Variants in C12orf50 observed in about 807,000 individuals in gnomAD.
C12orf50 encodes zinc finger CCCH-type containing 11D, also known as uncharacterized protein C12orf50.
C12orf50 carries 35 observed loss-of-function variants against 61.6 expected under a neutral mutation model. That is an observed-to-expected ratio of 0.57 (90% CI 0.43 to 0.75). The LOEUF (loss-of-function observed/expected upper bound fraction) is 0.75. C12orf50 is among the 30% of genes least tolerant of loss of function. The pLI is 0.00. For synonymous variants in C12orf50, 178 were observed against 161.5 expected (o/e 1.10, Z -0.77); for missense variants, 475 against 488.5 (o/e 0.97, Z 0.26).
intron 7 of C12orf50, 47 bp downstream of exon 7, chr12:87,994,586 A>G: frequency 7.9e-7 from 1 of 1,272,502 alleles, no homozygotes; most frequent in Non-Finnish European, 1.1e-6. Context: ...AGACTCATTT[A>G]TTATGTGGTG....
chr12:87,982,892 AAC>A lies in C12orf50; in HGVS notation c.1219+209_1219+210del. 2.0e-5 allele frequency among the ~76,000 whole-genome samples: 3 copies of A among 152,320 alleles called. No homozygotes were observed. In the South Asian group the frequency reaches 6.2e-4, roughly 32 times the overall value. Reference sequence around the variant, plus strand: ...GAACTGTATAAAAACGTTTTTGGGTAACACATAAAAATAGGCAAAGAGGAACA... The same window carrying A: ...GAACTGTATAAAAACGTTTTTGGGTAACATAAAAATAGGCAAAGAGGAACA... On this transcript the variant is annotated intron_variant, in intron 12 of 12. Coordinates refer to ENST00000298699, the MANE Select transcript of C12orf50 (RefSeq NM_152589.3).
At chr12:87,997,461 G>A (rs573973700) in intron 4 of C12orf50, among the ~76,000 whole-genome samples, 34 of 152,024 alleles carry the variant, frequency 2.2e-4, no homozygotes, top group Non-Finnish European at 1.0e-4. Flanking sequence ...TGTACAGAAC[G>A]TGCAGGTTTG....
intron 3 of C12orf50, among the ~76,000 whole-genome samples, chr12:88,012,365 C>A (rs937756624): frequency 1.3e-5 from 2 of 152,134 alleles, no homozygotes; most frequent in Non-Finnish European, 2.9e-5. Flanking sequence ...ACATGCAGTA[C>A]AAAACACATA....
At chr12:87,994,549 G>T (rs551267381) in intron 7 of C12orf50, 84 bp downstream of exon 7, 2 of 1,068,412 alleles carry the variant, frequency 1.9e-6, no homozygotes, top group Admixed American at 2.1e-5. Flanking sequence ...GACAAAAAAA[G>T]AAAATTAGTT....
chr12:88,003,782 G>T (rs1243779414), intron 3 of C12orf50, among the ~76,000 whole-genome samples: 1 of 152,004 alleles, frequency 6.6e-6, no homozygotes, highest in African/African-American at 2.4e-5. Flanking sequence ...GTGTCTGGCT[G>T]CAGGTATATT....
In C12orf50 at chr12:88,026,579, T is replaced by C; in HGVS notation, c.42A>G (p.Glu14=). Reference sequence around the variant, plus strand: ...TCTTCACACAACCAAGAGGCTGAGTTTCCCAGAAGCATGAAATGCTGCAGT... The same window carrying C: ...TCTTCACACAACCAAGAGGCTGAGTCTCCCAGAAGCATGAAATGCTGCAGT... ...QQNCSISCFW[E]TQPLGCVKIS... Residue 14 remains glutamate (E), a synonymous_variant, in exon 3 of 13, where the codon GAA becomes GAG. Transcript: ENST00000298699. The C allele has an allele frequency of 6.2e-7, 1 of 1,613,712 alleles. No individual in the cohort carries two copies. The highest frequency in any genetic ancestry group is 2.2e-5 in the East Asian group (1 of 44,856).
intron 3 of C12orf50, among the ~76,000 whole-genome samples, chr12:88,020,732 C>T (rs1322999186): frequency 6.6e-6 from 1 of 151,990 alleles, no homozygotes; most frequent in East Asian, 1.9e-4. Context: ...ACAGAATATA[C>T]ATTCTTCTCA....
chr12:88,024,444 G>T (rs910476454), intron 3 of C12orf50, among the ~76,000 whole-genome samples: 3 of 152,136 alleles, frequency 2.0e-5, no homozygotes, highest in Non-Finnish European at 4.4e-5. Context: ...ATTACTACAC[G>T]CCATAAAACA....
At chr12:87,986,786 G>A (rs2030848340) in intron 9 of C12orf50, among the ~76,000 whole-genome samples, 1 of 151,938 alleles carries the variant, frequency 6.6e-6, no homozygotes, top group Non-Finnish European at 1.5e-5. Flanking sequence ...TGAATTTTTT[G>A]TACTTTTTTA....
At chr12:88,009,011 A>G (rs191804029) in intron 3 of C12orf50, among the ~76,000 whole-genome samples, 144 of 152,266 alleles carry the variant, frequency 9.5e-4, no homozygotes, top group South Asian at 3.7e-3. Flanking sequence ...CTAGTATTGA[A>G]TGAATGTACC....
chr12:88,017,005 A>G (rs1251429514), intron 3 of C12orf50, among the ~76,000 whole-genome samples: 1 of 152,226 alleles, frequency 6.6e-6, no homozygotes, highest in Non-Finnish European at 1.5e-5. Flanking sequence ...ATTAGCCATG[A>G]AGATATTGAG....
intron 3 of C12orf50, among the ~76,000 whole-genome samples, chr12:88,008,364 C>A (rs1255295530): frequency 6.6e-6 from 1 of 152,132 alleles, no homozygotes; most frequent in African/African-American, 2.4e-5. Flanking sequence ...TGGCCTCCAA[C>A]TCCATCCGTG....
At chr12:87,986,275 T>A (rs755709504) in intron 10 of C12orf50, 37 bp downstream of exon 10, 1 of 1,435,052 alleles carries the variant, frequency 7.0e-7, no homozygotes, top group South Asian at 1.3e-5. Flanking sequence ...TCTTTTAAAA[T>A]TACAATTTAG....
At chr12:88,019,098 TTGGCTCTTTCCCCACCCAAA>T (rs1003824293) in intron 3 of C12orf50, among the ~76,000 whole-genome samples, 22 of 152,050 alleles carry the variant, frequency 1.4e-4, no homozygotes, top group Non-Finnish European at 3.1e-4. Flanking sequence ...ATGATATGGT[TTGGCTCTTTCCCCACCCAAA>T]TCTCATCTTG....
At chr12:88,010,778 C>T (rs888891052) in intron 3 of C12orf50, among the ~76,000 whole-genome samples, 2 of 151,402 alleles carry the variant, frequency 1.3e-5, no homozygotes, top group Non-Finnish European at 3.0e-5. Context: ...CAGAAACTAC[C>T]CAATTAGAAA....
intron 7 of C12orf50, among the ~76,000 whole-genome samples, chr12:87,990,662 A>G (rs1472785848): frequency 6.6e-6 from 1 of 152,024 alleles, no homozygotes; most frequent in Non-Finnish European, 1.5e-5. Flanking sequence ...CACACTTACT[A>G]CGGATTTTTC....
chr12:88,000,953 C>G (rs1243991476), intron 3 of C12orf50, among the ~76,000 whole-genome samples: 1 of 151,702 alleles, frequency 6.6e-6, no homozygotes, highest in Non-Finnish European at 1.5e-5. Context: ...AAAGATCATG[C>G]CATATGCAAA....
At chr12:87,994,072 C>T (rs2031263679) in intron 7 of C12orf50, among the ~76,000 whole-genome samples, 1 of 151,796 alleles carries the variant, frequency 6.6e-6, no homozygotes, top group Admixed American at 6.6e-5. Context: ...TGGTGGCACG[C>T]ACCTGTAGTG....
In C12orf50 at chr12:87,986,020, C is replaced by G; in HGVS notation, c.956G>C (p.Ser319Thr). 3.7e-6 allele frequency: 6 copies of G among 1,613,774 alleles called. No individual in the cohort carries two copies. The highest frequency in any genetic ancestry group is 5.1e-6 in the Non-Finnish European group (6 of 1,179,802). Residue 319 changes from serine (S) to threonine (T), a missense_variant, in exon 11 of 13, where the codon AGT becomes ACT. Coordinates refer to ENST00000298699, the MANE Select transcript of C12orf50 (RefSeq NM_152589.3). ...TCGATTTTTATTATTGCGGTGATAA[C>G]TCATTTTATTTTGGGGTCTTGGGGC... Reference protein sequence around the residue: ...VQAPRPQNKMSYHRNNKNRNA... With the variant: ...VQAPRPQNKMTYHRNNKNRNA...
Sources: allele counts gnomAD v4.1 joint callset (sites outside exome capture counted in the v4.1 genomes callset), GRCh38; gene constraint gnomAD v4.1.1; transcripts MANE v1.5; gene names NCBI Gene and HGNC (gene_info 2026-07-23, HGNC 2026-07-21).